Variants in EXOC2 observed in about 807,000 individuals in gnomAD.
EXOC2 encodes the protein exocyst complex component 2, also known as SEC5-like 1.
A neutral mutation model predicts 131.8 loss-of-function variants in EXOC2; 70 were observed. That is an observed-to-expected ratio of 0.53 (90% CI 0.44 to 0.65). The LOEUF (loss-of-function observed/expected upper bound fraction) is 0.65, where lower values mean the gene tolerates loss of function less well. EXOC2 is among the 30% of genes least tolerant of loss of function. The pLI is 0.00. For synonymous variants in EXOC2, 411 were observed against 398.4 expected, an observed-to-expected ratio of 1.03 and a Z score of -0.38; for missense variants, 923 against 1,108.6, an observed-to-expected ratio of 0.83 and a Z score of 2.38.
chr6:658,114 C>T (rs535093067), intron 1 of EXOC2, among the ~76,000 whole-genome samples: 10 of 152,036 alleles, frequency 6.6e-5, no homozygotes, highest in African/African-American at 2.2e-4. Flanking sequence ...TTTGGAGTAC[C>T]GAATGCCTAG....
rs192292405 is a variant in EXOC2, at chr6:564,853, C to A, written c.1509+11G>T. 1.6e-5 allele frequency: 25 copies of A among 1,612,456 alleles called. No individual in the cohort carries two copies. In the Admixed American group the frequency reaches 4.2e-4, roughly 27 times the overall value. On this transcript the variant is annotated intron_variant, in intron 14 of 27. Transcript: ENST00000230449. ...TGTGAAAAGGTCTACATACTTATCA[C>A]CCTTACTCACCTTAAAATCATTTTG...
Position 611,539 on chromosome 6 carries a change from C to A in EXOC2, c.662-1361G>T, listed in dbSNP as rs61321362. ...CTGGCCCCCCGGCTCAGTTTACAGC[C>A]CTTTTTGCTGACAGACTAACTTCCT... is the stretch of plus-strand genomic sequence containing the variant. On this transcript the variant is annotated intron_variant, in intron 6 of 27. Coordinates refer to ENST00000230449, the MANE Select transcript of EXOC2 (RefSeq NM_018303.6). 3.2e-3 allele frequency among the ~76,000 whole-genome samples: 483 copies of A among 152,334 alleles called. 3 individuals carry two copies. Among genetic ancestry groups the A allele is most frequent in the African/African-American group, 0.011 (440 of 41,566 alleles).
At chr6:637,285 T>C (rs1448369472) in intron 2 of EXOC2, among the ~76,000 whole-genome samples, 1 of 152,152 alleles carries the variant, frequency 6.6e-6, no homozygotes, top group Admixed American at 6.5e-5. Context: ...CACCAGGAGA[T>C]GGGGCTGAGA....
At chr6:619,090 A>T (rs1292473912) in intron 5 of EXOC2, among the ~76,000 whole-genome samples, 1 of 152,188 alleles carries the variant, frequency 6.6e-6, no homozygotes, top group Non-Finnish European at 1.5e-5. Context: ...AGAACTTAAA[A>T]TTTTTATGTT....
At chr6:571,852 C>G (rs1033385664) in intron 13 of EXOC2, among the ~76,000 whole-genome samples, 1 of 152,190 alleles carries the variant, frequency 6.6e-6, no homozygotes, top group African/African-American at 2.4e-5. Context: ...TGTCCAGGAG[C>G]CGGAGGCCTT....
chr6:491,185 G>T lies in EXOC2; in HGVS notation c.2561C>A (p.Ala854Glu), dbSNP rs779462173. The T allele has an allele frequency of 6.2e-7, 1 of 1,613,998 alleles. No individual in the cohort carries two copies. The highest frequency in any genetic ancestry group is 1.7e-5 in the Admixed American group (1 of 60,016). Residue 854 changes from alanine to glutamate, a missense_variant and splice_region_variant, in exon 26 of 28, where the codon GCG becomes GAG. Coordinates refer to ENST00000230449, the MANE Select transcript of EXOC2 (RefSeq NM_018303.6). ...CCTCAAAGCACAGATTTCAAGTCTC[G>T]CCTGAAAATGAGAAAAAGACAAAGT... ...SSFSKNGALQ[A>E]RLEICALRDT... is the part of the protein sequence containing the mutation.
In EXOC2 at chr6:610,221, G is replaced by A. The variant is rs757262319; in HGVS notation, c.662-43C>T. ...GTTAAAATGTAGGCCATTTTAATGG[G>A]TGGAGATACATTAAATCAAAATGAT... On this transcript the variant is annotated intron_variant, in intron 6 of 27. Coordinates refer to ENST00000230449, the MANE Select transcript of EXOC2 (RefSeq NM_018303.6). 6.3e-5 allele frequency: 90 copies of A among 1,421,696 alleles called. No individual in the cohort carries two copies. In the South Asian group the frequency reaches 9.1e-4, roughly 14 times the overall value. 88.1% of individuals were successfully genotyped at this position (1,421,696 alleles called of 1,614,324 possible). A position where few individuals can be genotyped will look rare whatever the true frequency, so the allele number is the denominator to read the frequency against.
chr6:660,436 A>C (rs1763374968), intron 1 of EXOC2, among the ~76,000 whole-genome samples: 1 of 152,128 alleles, frequency 6.6e-6, no homozygotes, highest in Non-Finnish European at 1.5e-5. Context: ...GCTGATATTC[A>C]CATTCACGGC....
At chr6:578,278 T>C (rs1347836836) in intron 11 of EXOC2, among the ~76,000 whole-genome samples, 1 of 152,234 alleles carries the variant, frequency 6.6e-6, no homozygotes, top group Non-Finnish European at 1.5e-5. Context: ...ATGCAAACTA[T>C]TCAATAACAT....
chr6:678,962 T>C (rs1221980241), intron 1 of EXOC2, among the ~76,000 whole-genome samples: 1 of 152,176 alleles, frequency 6.6e-6, no homozygotes, highest in Non-Finnish European at 1.5e-5. Flanking sequence ...AGTTAAAGAA[T>C]TCCTGGTGAT....
chr6:628,086 A>G (rs1193198307), intron 4 of EXOC2, among the ~76,000 whole-genome samples: 1 of 152,230 alleles, frequency 6.6e-6, no homozygotes, highest in Admixed American at 6.5e-5. Flanking sequence ...GGCACTTGCT[A>G]TGCTCCAAGT....
At chr6:522,194 G>A (rs1172994484) in intron 23 of EXOC2, among the ~76,000 whole-genome samples, 1 of 152,238 alleles carries the variant, frequency 6.6e-6, no homozygotes, top group African/African-American at 2.4e-5. Context: ...AGTGTGTGGT[G>A]AGCACTGTGA....
chr6:646,728 T>C (rs904816919), intron 1 of EXOC2, among the ~76,000 whole-genome samples: 6 of 152,238 alleles, frequency 3.9e-5, no homozygotes, highest in Non-Finnish European at 8.8e-5. Context: ...AAATTGTATG[T>C]TTCAGAATTA....
At chr6:517,799 A>G (rs1765237402) in intron 23 of EXOC2, among the ~76,000 whole-genome samples, 1 of 152,230 alleles carries the variant, frequency 6.6e-6, no homozygotes, top group Non-Finnish European at 1.5e-5. Flanking sequence ...TTCATTATTA[A>G]CCACAAATTT....
intron 1 of EXOC2, among the ~76,000 whole-genome samples, chr6:691,401 C>T (rs931232188): frequency 6.6e-6 from 1 of 152,208 alleles, no homozygotes; most frequent in Non-Finnish European, 1.5e-5. Flanking sequence ...CCATCTCTGC[C>T]ATTCCTGAGA....
At chr6:491,043 C>A in intron 26 of EXOC2, 82 bp downstream of exon 26, 2 of 1,407,268 alleles carry the variant, frequency 1.4e-6, no homozygotes, top group South Asian at 2.3e-5. Flanking sequence ...TCTGATCAGT[C>A]ATCTTTACAG....
At chr6:548,027 T>C (rs1435341320) in intron 22 of EXOC2, among the ~76,000 whole-genome samples, 1 of 152,224 alleles carries the variant, frequency 6.6e-6, no homozygotes, top group Non-Finnish European at 1.5e-5. Flanking sequence ...CCAATAAATA[T>C]ATTCATGTCA....
At chr6:617,071 T>C (rs982687385) in intron 6 of EXOC2, among the ~76,000 whole-genome samples, 1 of 152,368 alleles carries the variant, frequency 6.6e-6, no homozygotes, top group Admixed American at 6.5e-5. Flanking sequence ...TATATGGGTA[T>C]TTAGTTTTAA....
chr6:580,986 T>C (rs1348082690), intron 11 of EXOC2, among the ~76,000 whole-genome samples: 1 of 152,110 alleles, frequency 6.6e-6, no homozygotes, highest in Non-Finnish European at 1.5e-5. Flanking sequence ...ACAAAAATAC[T>C]AAAAGCAATA....
Sources: allele counts gnomAD v4.1 joint callset (sites outside exome capture counted in the v4.1 genomes callset), GRCh38; gene constraint gnomAD v4.1.1; transcripts MANE v1.5; gene names NCBI Gene and HGNC (gene_info 2026-07-23, HGNC 2026-07-21).